Variants in HPD observed in about 807,000 individuals in gnomAD.
HPD encodes the protein 4-hydroxyphenylpyruvic acid oxidase.
HPD carries 35 observed loss-of-function variants against 56.9 expected under a neutral mutation model. That is an observed-to-expected ratio of 0.62 (90% confidence interval 0.47 to 0.82). The LOEUF is 0.82. HPD is among the 40% of genes least tolerant of loss of function. HPD has a pLI of 0.00. For missense variants in HPD, 442 were observed against 506.8 expected (o/e 0.87, Z 1.23); for synonymous variants, 186 against 200.2 (o/e 0.93, Z 0.60).
At chr12:121,869,065 A>AC in the HPD span, among the ~76,000 whole-genome samples, 34 of 151,502 alleles carry the variant, frequency 2.2e-4, no homozygotes, top group Non-Finnish European at 4.6e-4. Flanking sequence ...ATTAAAAACA[A>AC]TTTTTTGGCT....
the HPD span, chr12:121,874,065 C>A: frequency 3.3e-5 from 5 of 152,294 alleles, no homozygotes; most frequent in Non-Finnish European, 5.9e-5. Context: ...CGCATGACAG[C>A]TCCCTTATGA....
intron 5 of HPD, 41 bp downstream of exon 5, chr12:121,856,542 C>T (rs781632023): frequency 1.8e-5 from 29 of 1,611,208 alleles, no homozygotes; most frequent in Middle Eastern, 1.6e-4. Flanking sequence ...ACCCAGATCC[C>T]ACCCACAGAG....
chr12:121,879,627 C>T, the HPD span, among the ~76,000 whole-genome samples: 10 of 152,082 alleles, frequency 6.6e-5, no homozygotes, highest in Non-Finnish European at 1.2e-4. Context: ...CCTCCCATCT[C>T]GGCCTGAGTA....
chr12:121,848,508 C>T (rs918219285), intron 9 of HPD, among the ~76,000 whole-genome samples: 3 of 151,968 alleles, frequency 2.0e-5, no homozygotes, highest in African/African-American at 4.8e-5. Context: ...GACCGGGGTT[C>T]GCCATGTTGG....
intron 11 of HPD, 68 bp from the exon 12 acceptor site, chr12:121,843,900 G>A (rs1877489759): frequency 1.2e-6 from 2 of 1,600,732 alleles, no homozygotes; most frequent in South Asian, 1.1e-5. Flanking sequence ...AGGTGGAGGT[G>A]CTGGGTCATC....
Position 121,846,951 on chromosome 12 carries a change from G to T in HPD, c.760-18C>A. 1 of 1,613,654 alleles carries T rather than the reference G, an allele frequency of 6.2e-7. No individual in the cohort carries two copies. Among genetic ancestry groups the T allele is most frequent in the East Asian group, 2.2e-5 (1 of 44,884 alleles). On this transcript the variant is annotated intron_variant, in intron 10 of 13. Transcript: ENST00000289004. ...ACATATTCCTGGGGGAGGGAAACAA[G>T]GAGACCACTGTCATTTGCCCCATCA... is the stretch of plus-strand genomic sequence containing the variant.
chr12:121,840,095 G>A (rs1877358693), intron 12 of HPD, 47 bp from the exon 13 acceptor site: 1 of 1,316,020 alleles, frequency 7.6e-7, no homozygotes, highest in African/African-American at 1.4e-5. Context: ...GGCACGGTGA[G>A]ATCCTTGGAA....
the HPD span, among the ~76,000 whole-genome samples, chr12:121,881,699 T>C: frequency 6.6e-6 from 1 of 151,658 alleles, no homozygotes; most frequent in African/African-American, 2.4e-5. Context: ...CAGTCTGGAG[T>C]GCAGTGGTGC....
At chr12:121,850,193 G>A (rs963121506) in intron 7 of HPD, among the ~76,000 whole-genome samples, 3 of 152,038 alleles carry the variant, frequency 2.0e-5, no homozygotes, top group Admixed American at 6.6e-5. Context: ...AGGCCAAGGC[G>A]GGTGGATCAT....
chr12:121,887,963 G>A, the HPD span, among the ~76,000 whole-genome samples: 1 of 152,164 alleles, frequency 6.6e-6, no homozygotes, highest in South Asian at 2.1e-4. Flanking sequence ...GATTGTTTAG[G>A]TAAGCTGGGT....
chr12:121,875,049 C>T, the HPD span, among the ~76,000 whole-genome samples: 1 of 152,178 alleles, frequency 6.6e-6, no homozygotes, highest in Non-Finnish European at 1.5e-5. Flanking sequence ...CGTGAGCCAC[C>T]GTGCCTGGCC....
chr12:121,860,063 C>T (rs148463317), upstream of HPD, among the ~76,000 whole-genome samples: 2 of 152,292 alleles, frequency 1.3e-5, no homozygotes, highest in East Asian at 3.9e-4. Context: ...GGGACTGAGG[C>T]AGGAGGATCA....
upstream of HPD, among the ~76,000 whole-genome samples, chr12:121,863,204 G>A (rs532853296): frequency 1.0e-4 from 15 of 150,356 alleles, no homozygotes; most frequent in South Asian, 2.9e-3. Flanking sequence ...GGCTGATCTC[G>A]AACTCTTGGC....
At position 121,857,329 on chromosome 12, in the gene HPD, T is replaced by G; in HGVS notation, c.197A>C (p.Lys66Thr). 4 of 1,608,250 alleles carry G rather than the reference T, an allele frequency of 2.5e-6. No individual in the cohort carries two copies. The Middle Eastern group carries it at 5.0e-4, about 199-fold the overall frequency. ...GCTGTCCTGGGGGTGGTGACTCACC[T>G]TCCCTTGTTTGATTACATGGCTGAC... Reference protein sequence around the residue: ...EVVSHVIKQGKIVFVLSSALN... With the variant: ...EVVSHVIKQGTIVFVLSSALN... The change falls in exon 4 of 14, where the codon AAG (lysine) becomes ACG (threonine). Residue 66 changes from lysine to threonine, a missense_variant and splice_region_variant. By Grantham distance (78) the Lys-to-Thr change is moderately conservative. Transcript: ENST00000289004.
At chr12:121,864,769 A>C (rs544474829), upstream of HPD, among the ~76,000 whole-genome samples, 169 of 150,906 alleles carry the variant, frequency 1.1e-3, 1 homozygote, top group African/African-American at 4.0e-3. Flanking sequence ...AGGAGAATGG[A>C]GTGAACCCGG....
At chr12:121,852,749 C>T (rs111419487) in intron 7 of HPD, among the ~76,000 whole-genome samples, 6,436 of 151,476 alleles carry the variant, frequency 0.042, 420 homozygotes, top group African/African-American at 0.15. Context: ...ATTCTCCCAC[C>T]TCAGCCTCCC....
upstream of HPD, among the ~76,000 whole-genome samples, chr12:121,860,568 T>C (rs117388974): frequency 6.0e-4 from 92 of 152,222 alleles, 1 homozygote; most frequent in East Asian, 0.013. Flanking sequence ...GTCCCCTCCC[T>C]GATGCTCTCT....
At position 121,841,884 on chromosome 12, in the gene HPD, C is replaced by G. The variant is rs1187002989; in HGVS notation, c.954+1826G>C. ...ATTTTTAGTAGAGACAGGGTTTCAC[C>G]ATGTTGGCCAGGCTGGTCTTGAACT... On this transcript the variant is annotated intron_variant, in intron 12 of 13. Coordinates refer to ENST00000289004, the MANE Select transcript of HPD (RefSeq NM_002150.3). Among the ~76,000 whole-genome samples the G allele has an allele frequency of 2.0e-5, 3 of 152,060 alleles. No homozygotes were observed. In the South Asian group the frequency reaches 6.2e-4, roughly 31 times the overall value.
chr12:121,840,853 G>A (rs1017403688), intron 12 of HPD, among the ~76,000 whole-genome samples: 2 of 151,492 alleles, frequency 1.3e-5, no homozygotes, highest in Non-Finnish European at 2.9e-5. Flanking sequence ...AGCTCAGTTC[G>A]AGACCAGCCT....
Sources: gnomAD v4.1 joint callset for allele counts (sites outside exome capture counted in the v4.1 genomes callset) on GRCh38, gnomAD v4.1.1 for gene constraint, MANE v1.5 for transcripts, NCBI Gene and HGNC (gene_info 2026-07-23, HGNC 2026-07-21) for gene names.